Variants in MICAL3 observed in about 807,000 individuals in gnomAD.
The protein encoded by MICAL3 is [F-actin]-monooxygenase MICAL3.
MICAL3 carries 62 observed loss-of-function variants against 207.4 expected under a neutral mutation model. The observed-to-expected ratio is 0.30, with a 90% CI of 0.24 to 0.37. The LOEUF is 0.37. MICAL3 is among the 10% of genes least tolerant of loss of function. The pLI is 1.00. For synonymous variants in MICAL3, 1,077 were observed against 1,069.3 expected (o/e 1.01, Z -0.14); for missense variants, 2,368 against 2,635.6 (o/e 0.90, Z 2.22).
At chr22:17,895,033 C>T (rs530336370) in intron 10 of MICAL3, among the ~76,000 whole-genome samples, 61 of 152,314 alleles carry the variant, frequency 4.0e-4, no homozygotes, top group African/African-American at 1.4e-3. Context: ...AATTAGAAGA[C>T]GTGGCATAAA....
intron 16 of MICAL3, among the ~76,000 whole-genome samples, chr22:17,877,877 C>T (rs542729949): frequency 7.4e-4 from 112 of 152,052 alleles, no homozygotes; most frequent in Admixed American, 2.8e-3. Context: ...CTGATTCTGT[C>T]GCCCTGGCTC....
chr22:17,899,682 G>C, intron 6 of MICAL3, 134 bp from the exon 7 acceptor site: 1 of 644,118 alleles, frequency 1.6e-6, no homozygotes, highest in Non-Finnish European at 2.8e-6. Context: ...TCTAAGCCCA[G>C]ATTCTCACGT....
Position 17,822,131 on chromosome 22 carries a change from T to C in MICAL3, c.3347A>G (p.Glu1116Gly). 1 of 1,613,766 alleles carries C rather than the reference T, an allele frequency of 6.2e-7. No individual in the cohort carries two copies. The highest frequency in any genetic ancestry group is 8.5e-7 in the Non-Finnish European group (1 of 1,179,874). The change falls in exon 24 of 32, where the codon GAG (glutamate) becomes GGG (glycine). Residue 1116 changes from glutamate to glycine, a missense_variant. Glu to Gly is a moderately conservative substitution (Grantham distance 98). Transcript: ENST00000441493. ...WSDSPSDADR[E>G]LRLPCPAEGE... ...CTCAGCTGGGCACGGCAAACGCAGCTCTCTGTCAGCATCCGACGGGCTGTC... is the reference window on the plus strand; with the variant it reads ...CTCAGCTGGGCACGGCAAACGCAGCCCTCTGTCAGCATCCGACGGGCTGTC...
chr22:17,942,181 C>CCGGTGATTGTATGCTTGCAGGGAGGCA (rs1333296069), intron 1 of MICAL3, among the ~76,000 whole-genome samples: 3 of 152,210 alleles, frequency 2.0e-5, no homozygotes, highest in African/African-American at 4.8e-5. Context: ...TAAAGATAGC[C>CCGGTGATTGTATGCTTGCAGGGAGGCA]CGGTGATTGT....
At chr22:17,941,905 A>C (rs546127133) in intron 1 of MICAL3, among the ~76,000 whole-genome samples, 4 of 152,284 alleles carry the variant, frequency 2.6e-5, no homozygotes, top group East Asian at 3.9e-4. Context: ...AAGCAGAAGG[A>C]AGGCCTGGGG....
chr22:17,962,004 A>G (rs1482647170), intron 1 of MICAL3, among the ~76,000 whole-genome samples: 2 of 152,220 alleles, frequency 1.3e-5, no homozygotes, highest in Non-Finnish European at 2.9e-5. Flanking sequence ...AAGACAGACT[A>G]TAGGACTTAC....
intron 27 of MICAL3, chr22:17,814,407 C>T (rs2062080517): frequency 6.6e-6 from 1 of 152,204 alleles, no homozygotes; most frequent in African/African-American, 2.4e-5. Flanking sequence ...ACAACTCAGA[C>T]ATTTTCCTAT....
Position 17,937,112 on chromosome 22 carries a change from A to G in MICAL3, c.-74-30226T>C, listed in dbSNP as rs1933574092. Reference sequence around the variant, plus strand: ...TCTTCTTGACAGATACAGAAACAGAAGTCAAGAGAGATGAAATAACATCCT... The same window carrying G: ...TCTTCTTGACAGATACAGAAACAGAGGTCAAGAGAGATGAAATAACATCCT... On this transcript the variant is annotated intron_variant, in intron 1 of 31. Coordinates refer to ENST00000441493, the MANE Select transcript of MICAL3 (RefSeq NM_015241.3). Among the ~76,000 whole-genome samples the G allele has an allele frequency of 2.0e-5, 3 of 152,244 alleles. No homozygotes were observed. In the South Asian group the frequency reaches 6.2e-4, roughly 32 times the overall value.
chr22:17,804,493 C>T (rs983731578), intron 29 of MICAL3, among the ~76,000 whole-genome samples: 4 of 152,346 alleles, frequency 2.6e-5, no homozygotes, highest in East Asian at 1.9e-4. Flanking sequence ...CAACAGGAAA[C>T]GAGCAGAGAC....
chr22:17,891,226 T>C (rs2146232788), intron 12 of MICAL3, among the ~76,000 whole-genome samples: 1 of 151,910 alleles, frequency 6.6e-6, no homozygotes, highest in Non-Finnish European at 1.5e-5. Flanking sequence ...TTATGAGTGT[T>C]GTGATTTTTA....
intron 15 of MICAL3, 53 bp from the exon 16 acceptor site, chr22:17,886,104 A>G: frequency 1.3e-6 from 2 of 1,590,778 alleles, no homozygotes; most frequent in East Asian, 2.2e-5. Context: ...GGCTCCCCCC[A>G]TGCCCCTCCC....
rs372590308 is a variant in MICAL3 at position 17,810,778 on chromosome 22, C to T, written c.5481G>A (p.Lys1827=). The T allele has an allele frequency of 6.6e-5, 106 of 1,613,894 alleles. No homozygotes were observed. In the African/African-American group the frequency reaches 1.3e-3, roughly 20 times the overall value. The part of the protein sequence containing the change: ...RTYTEEELNA[K]LTRRVQKAAR... The stretch of plus-strand genomic sequence containing the variant: ...CTGCCTTTTGCACACGCCGGGTCAG[C>T]TTGGCATTCAGTTCCTCCTCCGTGT... The change falls in exon 28 of 32, where the codon AAG becomes AAA. Residue 1827 remains lysine (K), a synonymous_variant. Transcript: ENST00000441493.
At chr22:17,974,053 C>T (rs965855715) in intron 1 of MICAL3, among the ~76,000 whole-genome samples, 3 of 152,200 alleles carry the variant, frequency 2.0e-5, no homozygotes, top group Admixed American at 6.5e-5. Flanking sequence ...ATACTTCCCT[C>T]TGGGCCATGG....
chr22:17,944,998 A>AC (rs1602264682), intron 1 of MICAL3, among the ~76,000 whole-genome samples: 1 of 134,312 alleles, frequency 7.4e-6, no homozygotes, highest in East Asian at 2.4e-4. Context: ...GCACTCAGGC[A>AC]CTGGGGGACC....
intron 20 of MICAL3, among the ~76,000 whole-genome samples, chr22:17,839,340 T>A (rs1923752766): frequency 7.0e-6 from 1 of 143,374 alleles, no homozygotes. Flanking sequence ...GACGGCAACC[T>A]CTGCCTCCTG....
chr22:17,895,408 T>G lies in MICAL3; in HGVS notation c.1325A>C (p.Glu442Ala). ...CTGAGGCAGCAACCTGTAAATACTT[T>G]CCCTGCAATAACACAACAATATACT... is the stretch of plus-strand genomic sequence containing the variant. ...TSPLEVLAER[E>A]SIYRLLPQTT... The change falls in exon 10 of 32, where the codon GAA becomes GCA. Residue 442 changes from glutamate (E) to alanine (A), a missense_variant and splice_region_variant. Around this residue, in one of 4 missense-constraint regions of MICAL3, gnomAD observed 147 missense variants for 137.7 expected, o/e 1.07. Coordinates refer to ENST00000441493, the MANE Select transcript of MICAL3 (RefSeq NM_015241.3). 1 of 1,613,616 alleles carries G rather than the reference T, an allele frequency of 6.2e-7. No homozygotes were observed. The highest frequency in any genetic ancestry group is 2.2e-5 in the East Asian group (1 of 44,872).
At chr22:17,913,009 A>G (rs1394822127) in intron 1 of MICAL3, among the ~76,000 whole-genome samples, 1 of 152,138 alleles carries the variant, frequency 6.6e-6, no homozygotes, top group East Asian at 1.9e-4. Context: ...TTCTATTCCT[A>G]GTCTGGTGAG....
intron 1 of MICAL3, among the ~76,000 whole-genome samples, chr22:18,011,470 C>T (rs1220641378): frequency 6.6e-6 from 1 of 150,574 alleles, no homozygotes; most frequent in African/African-American, 2.4e-5. Context: ...GCTTGAACCT[C>T]CCAGGAGGCG....
chr22:17,990,828 GA>G (rs1921598365), intron 1 of MICAL3, among the ~76,000 whole-genome samples: 1 of 152,160 alleles, frequency 6.6e-6, no homozygotes. Flanking sequence ...GGACTCCTGA[GA>G]AATCAGTTCT....
Sources: gnomAD v4.1 joint callset for allele counts (sites outside exome capture counted in the v4.1 genomes callset) on GRCh38, gnomAD v4.1.1 for gene constraint, gnomAD v4.1.1 regional missense constraint, MANE v1.5 for transcripts, NCBI Gene and HGNC (gene_info 2026-07-23, HGNC 2026-07-21) for gene names.